Variants in OMD observed in about 807,000 individuals in gnomAD.
The protein encoded by OMD is KSPG osteomodulin.
OMD carries 19 observed loss-of-function variants against 31.2 expected under a neutral mutation model. The ratio of observed to expected loss-of-function variants is 0.61; its 90% CI spans 0.42 to 0.89. The LOEUF (loss-of-function observed/expected upper bound fraction) is 0.89. OMD is among the 40% of genes least tolerant of loss of function. The pLI, the probability that OMD is intolerant of heterozygous loss-of-function variation, is 0.00. For synonymous variants in OMD, 155 were observed against 166.4 expected (o/e 0.93, Z 0.53); for missense variants, 448 against 490.8 (o/e 0.91, Z 0.82).
chr9:92,414,330 G>T lies in OMD; in HGVS notation c.*822C>A. Reference sequence around the variant, plus strand: ...CAGTTATTTCTTTGCAAATCATTTTGTAACAAAGAGGCCTTTCTATGGTTG... The same window carrying T: ...CAGTTATTTCTTTGCAAATCATTTTTTAACAAAGAGGCCTTTCTATGGTTG... On this transcript the variant is annotated 3_prime_UTR_variant, in exon 3 of 3. Coordinates refer to ENST00000375550, the MANE Select transcript of OMD (RefSeq NM_005014.3). 5.1e-6 allele frequency: 1 copy of T among 195,550 alleles called. No individual in the cohort carries two copies. Among genetic ancestry groups the T allele is most frequent in the Non-Finnish European group, 1.1e-5 (1 of 94,060 alleles). The allele number at this position is 195,550 out of a possible 1,614,324, so 12.1% of individuals were successfully genotyped here.
intron 1 of OMD, among the ~76,000 whole-genome samples, chr9:92,418,232 G>A (rs887849270): frequency 2.0e-5 from 3 of 151,982 alleles, no homozygotes; most frequent in African/African-American, 4.8e-5. Context: ...GACTACAGGC[G>A]CGTGCCACCA....
chr9:92,419,521 G>A (rs1375592601), intron 1 of OMD, among the ~76,000 whole-genome samples: 3 of 152,010 alleles, frequency 2.0e-5, no homozygotes, highest in Non-Finnish European at 4.4e-5. Flanking sequence ...GGCTGCTCTC[G>A]AACTCCTGAC....
chr9:92,418,093 C>A (rs3118008), intron 1 of OMD, among the ~76,000 whole-genome samples: 62,357 of 150,946 alleles, frequency 0.41, 16,662 homozygotes, highest in African/African-American at 0.76. Context: ...TTTTCTTTTT[C>A]TTTTTATTTT....
intron 1 of OMD, 36 bp downstream of exon 1, chr9:92,424,166 A>G (rs1232528775): frequency 2.0e-5 from 3 of 152,196 alleles, no homozygotes; most frequent in Non-Finnish European, 4.4e-5. Flanking sequence ...GTAGGAATAC[A>G]TTCTTAAAAA....
chr9:92,413,193 G>C lies in OMD; in HGVS notation c.*1959C>G, dbSNP rs1011109296. On this transcript the variant is annotated 3_prime_UTR_variant, in exon 3 of 3. Transcript: ENST00000375550. ...GTAGAGATGGGGTTTCTCCATGTTGGTCAGGCTGGTCTCAAACTCCCGACC... is the reference window on the plus strand; with the variant it reads ...GTAGAGATGGGGTTTCTCCATGTTGCTCAGGCTGGTCTCAAACTCCCGACC... Among the ~76,000 whole-genome samples, 1 of 151,850 alleles carries C rather than the reference G, an allele frequency of 6.6e-6. No homozygotes were observed. Among genetic ancestry groups the C allele is most frequent in the African/African-American group, 2.4e-5 (1 of 41,356 alleles).
At position 92,416,838 on chromosome 9, in the gene OMD, C is replaced by G. The variant is rs1564309818; in HGVS notation, c.721G>C (p.Glu241Gln). 1 of 1,613,794 alleles carries G rather than the reference C, an allele frequency of 6.2e-7. No individual in the cohort carries two copies. Among genetic ancestry groups the G allele is most frequent in the Non-Finnish European group, 8.5e-7 (1 of 1,179,824 alleles). ...LPSSLMYLSL[E>Q]NNSISSIPEK... ...GGTATAGAAGAAATTGAATTATTTT[C>G]TAAAGACAGATACATAAGTGAAGAA... The change falls in exon 2 of 3, where the codon GAA (glutamate) becomes CAA (glutamine). Residue 241 changes from glutamate (E) to glutamine (Q), a missense_variant. Glu to Gln is a conservative substitution (Grantham distance 29, BLOSUM62 2). Transcript: ENST00000375550.
At position 92,414,839 on chromosome 9, in the gene OMD, T is replaced by C; in HGVS notation, c.*313A>G. 2 of 250,118 alleles carry C rather than the reference T, an allele frequency of 8.0e-6. No individual in the cohort carries two copies. The highest frequency in any genetic ancestry group is 1.2e-4 in the East Asian group (2 of 16,084). The allele number at this position is 250,118 out of a possible 1,614,324, so 15.5% of individuals were successfully genotyped here. A position where few individuals can be genotyped will look rare whatever the true frequency, so the allele number is the denominator to read the frequency against. On this transcript the variant is annotated 3_prime_UTR_variant, in exon 3 of 3. Transcript: ENST00000375550. ...TTCCTCATTTTTAGAAAAATTACTG[T>C]TAATAGAAATGATACACTCACTTTC...
At chr9:92,420,076 T>C (rs566053729) in intron 1 of OMD, among the ~76,000 whole-genome samples, 21 of 152,280 alleles carry the variant, frequency 1.4e-4, no homozygotes, top group Admixed American at 1.3e-3. Context: ...AGTGATACTT[T>C]CCTTCATTCT....
At position 92,414,682 on chromosome 9, in the gene OMD, A is replaced by C. The variant is rs1843536312; in HGVS notation, c.*470T>G. ...CAGTGTGAAAGCTTTCCTGAAGAAGAGGTCAGAGAAAATGGTCTATTCCTT... is the reference window on the plus strand; with the variant it reads ...CAGTGTGAAAGCTTTCCTGAAGAAGCGGTCAGAGAAAATGGTCTATTCCTT... On this transcript the variant is annotated 3_prime_UTR_variant, in exon 3 of 3. Coordinates refer to ENST00000375550, the MANE Select transcript of OMD (RefSeq NM_005014.3). The C allele has an allele frequency of 4.7e-6, 1 of 210,942 alleles. No individual in the cohort carries two copies. The highest frequency in any genetic ancestry group is 2.3e-5 in the African/African-American group (1 of 44,118). The allele number at this position is 210,942 out of a possible 1,614,324, so 13.1% of individuals were successfully genotyped here. A position where few individuals can be genotyped will look rare whatever the true frequency, so the allele number is the denominator to read the frequency against.
intron 1 of OMD, among the ~76,000 whole-genome samples, chr9:92,422,479 G>A (rs1187690667): frequency 3.9e-5 from 6 of 152,182 alleles, no homozygotes; most frequent in Non-Finnish European, 8.8e-5. Flanking sequence ...AAAAGAAGAA[G>A]GCCTTGAATC....
rs768746767 is a variant in OMD at position 92,416,637 on chromosome 9, G to A, written c.922C>T (p.Gln308Ter). The change falls in exon 2 of 3, where the codon CAA becomes TAA. Residue 308 changes from glutamine to a stop codon, truncating the protein, a stop_gained. Coordinates refer to ENST00000375550, the MANE Select transcript of OMD (RefSeq NM_005014.3). LOFTEE classifies it high-confidence loss of function. ...IPRNLEHLYL[Q>*]NNEIEKMNLT... is the part of the protein sequence containing the mutation. ...TACATACTTTCTATTTCATTATTTT[G>A]TAGGTATAGGTGTTCCAAATTTCTT... 2 of 1,554,260 alleles carry A rather than the reference G, an allele frequency of 1.3e-6. No homozygotes were observed. Among genetic ancestry groups the A allele is most frequent in the Admixed American group, 2.0e-5 (1 of 49,840 alleles).
chr9:92,422,605 C>A (rs189384083), intron 1 of OMD, among the ~76,000 whole-genome samples: 11 of 152,162 alleles, frequency 7.2e-5, no homozygotes, highest in African/African-American at 2.7e-4. Context: ...TCTTCTAAAC[C>A]TGAACTTATC....
In OMD at chr9:92,417,368, C is replaced by T; in HGVS notation, c.191G>A (p.Ser64Asn). 1 of 1,614,088 alleles carries T rather than the reference C, an allele frequency of 6.2e-7. No homozygotes were observed. Among genetic ancestry groups the T allele is most frequent in the Non-Finnish European group, 8.5e-7 (1 of 1,179,976 alleles). The change falls in exon 2 of 3, where the codon AGT becomes AAT. Residue 64 changes from serine to asparagine, a missense_variant. Ser to Asn is a conservative substitution (Grantham distance 46). Coordinates refer to ENST00000375550, the MANE Select transcript of OMD (RefSeq NM_005014.3). ...AAAGTTAGTTGGACAGAAGCATTCA[C>T]TGACACAGCCTAAAGTATACTGATG... ...PFHQYTLGCV[S>N]ECFCPTNFPS...
At chr9:92,422,413 C>T (rs1843834725) in intron 1 of OMD, among the ~76,000 whole-genome samples, 1 of 152,076 alleles carries the variant, frequency 6.6e-6, no homozygotes, top group South Asian at 2.1e-4. Context: ...CAGTTATCAA[C>T]CTTACATTTG....
chr9:92,419,299 C>CTTTTT (rs34582930), intron 1 of OMD, among the ~76,000 whole-genome samples: 2 of 117,098 alleles, frequency 1.7e-5, no homozygotes, highest in Non-Finnish European at 1.7e-5. Context: ...TGCCTTGTGT[C>CTTTTT]TTTTTTTTTT....
rs1843616668 is a variant in OMD at position 92,416,497 on chromosome 9, T to TA, written c.940+121dup. ...CTGGGGCAGATTTCTGCCATTCCCT[T>TA]AAGCAACTTCAAAACAACTATTTTC... On this transcript the variant is annotated intron_variant, in intron 2 of 2. Coordinates refer to ENST00000375550, the MANE Select transcript of OMD (RefSeq NM_005014.3). 4.7e-6 allele frequency: 3 copies of TA among 632,396 alleles called. No homozygotes were observed. The South Asian group carries it at 7.9e-5, about 17-fold the overall frequency. 39.2% of individuals were successfully genotyped at this position (632,396 alleles called of 1,614,324 possible). A position where few individuals can be genotyped will look rare whatever the true frequency, so the allele number is the denominator to read the frequency against.
At chr9:92,416,589 C>G (rs376555184) in intron 2 of OMD, 30 bp downstream of exon 2, 25 of 1,302,216 alleles carry the variant, frequency 1.9e-5, no homozygotes, top group South Asian at 1.1e-4. Context: ...CATTCTTTCT[C>G]TCTTCAAAAC....
chr9:92,421,953 G>A (rs1001320171), intron 1 of OMD, among the ~76,000 whole-genome samples: 1 of 152,028 alleles, frequency 6.6e-6, no homozygotes, highest in Admixed American at 6.6e-5. Flanking sequence ...GAGATTAATA[G>A]GAATGGATAT....
rs779760317 is a variant in OMD, at chr9:92,415,367, A to T, written c.1051T>A (p.Phe351Ile). 3 of 1,613,434 alleles carry T rather than the reference A, an allele frequency of 1.9e-6. No individual in the cohort carries two copies. Among genetic ancestry groups the T allele is most frequent in the Non-Finnish European group, 1.7e-6 (2 of 1,179,518 alleles). ...KLKEPISSYI[F>I]FCFPHIHTIY... ...GTGTGTATATGAGGGAAGCAGAAGA[A>T]GATGTATGAGCTTATTGGTTCTTTT... Residue 351 changes from phenylalanine (F) to isoleucine (I), a missense_variant, in exon 3 of 3, where the codon TTC becomes ATC. Physicochemically the swap from Phe to Ile is conservative, Grantham distance 21. Transcript: ENST00000375550.
Sources: allele counts gnomAD v4.1 joint callset (sites outside exome capture counted in the v4.1 genomes callset), GRCh38; gene constraint gnomAD v4.1.1; transcripts MANE v1.5; gene names NCBI Gene and HGNC (gene_info 2026-07-23, HGNC 2026-07-21).